PRR11: variants seen among roughly 807,000 people sequenced by gnomAD.
The protein encoded by PRR11 is proline rich 11, also known as proline-rich protein 11.
PRR11 carries 30 observed loss-of-function variants against 45.6 expected under a neutral mutation model. That is an observed-to-expected ratio of 0.66 (90% CI 0.49 to 0.89). PRR11 has a LOEUF of 0.89. PRR11 is among the 40% of genes least tolerant of loss of function. The probability of loss-of-function intolerance (pLI) is 0.00; values close to 1 mark genes in which losing one functional copy is unlikely to be tolerated. For synonymous variants in PRR11, 128 were observed against 153.5 expected, an observed-to-expected ratio of 0.83 and a Z score of 1.23; for missense variants, 373 against 424.8, an observed-to-expected ratio of 0.88 and a Z score of 1.07.
At chr17:59,185,258 G>A in intron 3 of PRR11, 54 bp downstream of exon 3, 1 of 1,594,602 alleles carries the variant, frequency 6.3e-7, no homozygotes. Context: ...CACACTTGGT[G>A]TTTATATACA....
chr17:59,173,429 C>T (rs1230821572), intron 2 of PRR11, among the ~76,000 whole-genome samples: 1 of 152,192 alleles, frequency 6.6e-6, no homozygotes, highest in Non-Finnish European at 1.5e-5. Context: ...GTCCGCACTG[C>T]CTTTATGAGC....
At chr17:59,182,866 C>G (rs2017276) in intron 2 of PRR11, among the ~76,000 whole-genome samples, 28,258 of 152,054 alleles carry the variant, frequency 0.19, 2,721 homozygotes, top group East Asian at 0.27. Context: ...ATGATCTTTC[C>G]CAAAATCTAT....
Position 59,194,851 on chromosome 17 carries a change from GGAA to G in PRR11, c.742_744del (p.Lys248del), listed in dbSNP as rs767889260. On this transcript the variant is annotated inframe_deletion and splice_region_variant, in exon 6 of 10. Coordinates refer to ENST00000262293, the MANE Select transcript of PRR11 (RefSeq NM_018304.4). ...AAGACACAGAGTTTAGATGAAAAGAGGAAGGTAAGATGTCATTGACCACATACA... is the reference window on the plus strand; with the variant it reads ...AAGACACAGAGTTTAGATGAAAAGAGGGTAAGATGTCATTGACCACATACA... The G allele has an allele frequency of 1.1e-4, 170 of 1,610,908 alleles. No homozygotes were observed. The Admixed American group carries it at 1.4e-3, about 13-fold the overall frequency.
At chr17:59,185,684 A>T in intron 4 of PRR11, 122 bp downstream of exon 4, 3 of 922,572 alleles carry the variant, frequency 3.3e-6, no homozygotes, top group Non-Finnish European at 4.8e-6. Context: ...ATTAAGCGAA[A>T]AAGTTTTCTT....
At chr17:59,187,885 T>G (rs2046821697) in intron 4 of PRR11, among the ~76,000 whole-genome samples, 1 of 147,682 alleles carries the variant, frequency 6.8e-6, no homozygotes, top group African/African-American at 2.5e-5. Flanking sequence ...AAAAAGTGTG[T>G]CAAGACTAGG....
rs954058986 is a variant in PRR11 at position 59,202,652 on chromosome 17, C to G, written c.*1021C>G. 3 of 152,124 alleles carry G rather than the reference C, an allele frequency of 2.0e-5. No homozygotes were observed. Among genetic ancestry groups the G allele is most frequent in the Non-Finnish European group, 4.4e-5 (3 of 68,010 alleles). 9.4% of individuals were successfully genotyped at this position (152,124 alleles called of 1,614,324 possible). A position where few individuals can be genotyped will look rare whatever the true frequency, so the allele number is the denominator to read the frequency against. ...CTGGCTTACAGAAGTCTAAGGTATT[C>G]CTTATTTTTATATCTGCTGTCCACA... On this transcript the variant is annotated 3_prime_UTR_variant, in exon 10 of 10. Transcript: ENST00000262293.
At chr17:59,170,779 C>A (rs1378672316) in intron 2 of PRR11, among the ~76,000 whole-genome samples, 1 of 152,066 alleles carries the variant, frequency 6.6e-6, no homozygotes, top group Non-Finnish European at 1.5e-5. Context: ...TTAGTATGAT[C>A]AAATAACCAA....
intron 6 of PRR11, 81 bp downstream of exon 6, chr17:59,194,936 G>A (rs2046858496): frequency 9.6e-6 from 11 of 1,141,376 alleles, no homozygotes; most frequent in East Asian, 4.8e-5. Flanking sequence ...CACTTTGGGA[G>A]ACCAAGGTGG....
At position 59,185,200 on chromosome 17, in the gene PRR11, C is replaced by G. The variant is rs1327955069; in HGVS notation, c.275C>G (p.Thr92Ser). 6.2e-7 allele frequency: 1 copy of G among 1,613,356 alleles called. No individual in the cohort carries two copies. The highest frequency in any genetic ancestry group is 1.3e-5 in the African/African-American group (1 of 74,828). The change falls in exon 3 of 10, where the codon ACC becomes AGC. Residue 92 changes from threonine to serine, a missense_variant. Coordinates refer to ENST00000262293, the MANE Select transcript of PRR11 (RefSeq NM_018304.4). Reference sequence around the variant, plus strand: ...TACAGCTGGTGCCAGAACTGCATAACCCAGGTATGGATGTGACATCCCTGT... The same window carrying G: ...TACAGCTGGTGCCAGAACTGCATAAGCCAGGTATGGATGTGACATCCCTGT... ...SIYSWCQNCI[T>S]QSLEVLKDTI...
intron 9 of PRR11, among the ~76,000 whole-genome samples, chr17:59,198,752 G>A (rs1052729135): frequency 6.6e-6 from 1 of 151,202 alleles, no homozygotes; most frequent in African/African-American, 2.4e-5. Flanking sequence ...CATGAGAATC[G>A]CTTGAACCCA....
intron 2 of PRR11, 145 bp downstream of exon 2, chr17:59,170,025 G>C (rs985427346): frequency 9.2e-7 from 1 of 1,090,080 alleles, no homozygotes; most frequent in East Asian, 2.8e-5. Context: ...GGCCGAGGTG[G>C]GTGGATTACC....
chr17:59,160,105 T>C (rs969005603), intron 1 of PRR11, among the ~76,000 whole-genome samples: 1 of 152,082 alleles, frequency 6.6e-6, no homozygotes, highest in African/African-American at 2.4e-5. Flanking sequence ...AATCAAAGAA[T>C]AATAATGATA....
intron 1 of PRR11, among the ~76,000 whole-genome samples, chr17:59,157,970 G>T (rs1044670464): frequency 6.6e-6 from 1 of 152,304 alleles, no homozygotes; most frequent in South Asian, 2.1e-4. Flanking sequence ...AAGAGACTAT[G>T]GCAAAGGGCC....
In PRR11 at chr17:59,206,133, A is replaced by C. The variant is rs1362624029; in HGVS notation, c.*4502A>C. Among the ~76,000 whole-genome samples, 1 of 152,068 alleles carries C rather than the reference A, an allele frequency of 6.6e-6. No homozygotes were observed. Among genetic ancestry groups the C allele is most frequent in the African/African-American group, 2.4e-5 (1 of 41,396 alleles). On this transcript the variant is annotated 3_prime_UTR_variant, in exon 10 of 10. Coordinates refer to ENST00000262293, the MANE Select transcript of PRR11 (RefSeq NM_018304.4). The stretch of plus-strand genomic sequence containing the variant: ...TATAATCCTAGCACTTTGGGAGGCT[A>C]AGGCAGGAGGTTCGCTTGAGGCCAA...
Position 59,202,816 on chromosome 17 carries a change from C to G in PRR11, c.*1185C>G, listed in dbSNP as rs2046899218. 6.6e-6 allele frequency: 1 copy of G among 152,126 alleles called. No individual in the cohort carries two copies. Among genetic ancestry groups the G allele is most frequent in the African/African-American group, 2.4e-5 (1 of 41,426 alleles). The allele number at this position is 152,126 out of a possible 1,614,324, so 9.4% of individuals were successfully genotyped here. A position where few individuals can be genotyped will look rare whatever the true frequency, so the allele number is the denominator to read the frequency against. On this transcript the variant is annotated 3_prime_UTR_variant, in exon 10 of 10. Transcript: ENST00000262293. ...CCCTGTTGTCACTGACCTATGTAAT[C>G]AAAGACAGTAATACAGCCTGGGAAA...
intron 2 of PRR11, among the ~76,000 whole-genome samples, chr17:59,182,308 G>A (rs2046791795): frequency 6.6e-6 from 1 of 150,816 alleles, no homozygotes; most frequent in African/African-American, 2.4e-5. Flanking sequence ...GATTACAGGT[G>A]TGAGCCACTG....
rs543327365 is a variant in PRR11, at chr17:59,169,768, C to A, written c.16C>A (p.Gln6Lys). 7 of 1,594,438 alleles carry A rather than the reference C, an allele frequency of 4.4e-6. No homozygotes were observed. Among genetic ancestry groups the A allele is most frequent in the Middle Eastern group, 1.7e-4 (1 of 5,950 alleles). The change falls in exon 2 of 10, where the codon CAA becomes AAA. Residue 6 changes from glutamine (Q) to lysine (K), a missense_variant. Gln to Lys is a moderately conservative substitution (Grantham distance 53). Transcript: ENST00000262293. Reference sequence around the variant, plus strand: ...TGCAGAAATCATGCCCAAGTTCAAACAACGAAGACGAAAGCTAAAAGCCAA... The same window carrying A: ...TGCAGAAATCATGCCCAAGTTCAAAAAACGAAGACGAAAGCTAAAAGCCAA... MPKFK[Q>K]RRRKLKAKAE...
chr17:59,194,883 T>A, intron 6 of PRR11, 28 bp downstream of exon 6: 1 of 1,570,270 alleles, frequency 6.4e-7, no homozygotes, highest in Non-Finnish European at 8.7e-7. Flanking sequence ...ACATACATGC[T>A]CTTTTTGCTT....
rs2046809762 is a variant in PRR11, at chr17:59,185,461, A to G, written c.301A>G (p.Thr101Ala). The G allele has an allele frequency of 2.5e-6, 4 of 1,599,574 alleles. No homozygotes were observed. In the East Asian group the frequency reaches 8.9e-5, roughly 36 times the overall value. The change falls in exon 4 of 10, where the codon ACC becomes GCC. Residue 101 changes from threonine to alanine, a missense_variant. Physicochemically the swap from Thr to Ala is moderately conservative, Grantham distance 58. Transcript: ENST00000262293. ...ITQSLEVLKD[T>A]IFPSRICHRE... ...TCAGAGTTTAGAAGTATTGAAAGACACCATCTTTCCATCTCGTATCTGCCA... is the reference window on the plus strand; with the variant it reads ...TCAGAGTTTAGAAGTATTGAAAGACGCCATCTTTCCATCTCGTATCTGCCA...
Sources: allele counts gnomAD v4.1 joint callset (sites outside exome capture counted in the v4.1 genomes callset), GRCh38; gene constraint gnomAD v4.1.1; transcripts MANE v1.5; gene names NCBI Gene and HGNC (gene_info 2026-07-23, HGNC 2026-07-21).